The following PCDHA5 variants were observed in gnomAD, a reference collection of about 807,000 sequenced individuals.
The protein encoded by PCDHA5 is protocadherin alpha-5.
In PCDHA5, 43 loss-of-function variants were observed where a neutral mutation model predicts 61.6. That is an observed-to-expected ratio of 0.70 (90% confidence interval 0.55 to 0.90). The LOEUF (loss-of-function observed/expected upper bound fraction) is 0.90, where lower values mean the gene tolerates loss of function less well. Ranked by LOEUF, PCDHA5 falls within the 40% of genes least tolerant of loss-of-function variation. The pLI, the probability that PCDHA5 is intolerant of heterozygous loss-of-function variation, is 0.00. For missense variants in PCDHA5, 1,298 were observed against 1,222.7 expected, an observed-to-expected ratio of 1.06 and a Z score of -0.92; for synonymous variants, 627 against 543.9, an observed-to-expected ratio of 1.15 and a Z score of -2.13.
intron 1 of PCDHA5, chr5:140,877,335 G>C (rs115718636): frequency 0.047 from 75,474 of 1,613,976 alleles, 2,017 homozygotes; most frequent in Middle Eastern, 0.086. Flanking sequence ...CGCACATCCC[G>C]TTCCACGTGG....
intron 1 of PCDHA5, chr5:140,882,349 T>TC (rs1396642305): frequency 5.0e-6 from 8 of 1,613,872 alleles, no homozygotes; most frequent in Non-Finnish European, 6.8e-6. Context: ...GGGAGACGGG[T>TC]AGTGGCCAGC....
chr5:141,006,224 T>A (rs1265190589), intron 3 of PCDHA5, among the ~76,000 whole-genome samples: 1 of 152,072 alleles, frequency 6.6e-6, no homozygotes, highest in African/African-American at 2.4e-5. Flanking sequence ...TTAAATTTTT[T>A]ATTTTTAGAT....
chr5:140,824,609 A>AGTT (rs1768189003), intron 1 of PCDHA5: 2 of 76,910 alleles, frequency 2.6e-5, no homozygotes, highest in African/African-American at 1.4e-4. Context: ...TGCTAATTAA[A>AGTT]GTTTTTTTTT....
intron 1 of PCDHA5, among the ~76,000 whole-genome samples, chr5:140,962,568 A>G (rs915587591): frequency 6.6e-6 from 1 of 152,222 alleles, no homozygotes; most frequent in Non-Finnish European, 1.5e-5. Context: ...CTAAAAGCCA[A>G]TTGTTAATGC....
chr5:140,870,179 G>A, intron 1 of PCDHA5: 1 of 1,614,104 alleles, frequency 6.2e-7, no homozygotes, highest in South Asian at 1.1e-5. Context: ...CTCCCAGTAC[G>A]AGAGGACGCT....
chr5:140,838,264 C>T (rs1278285410), intron 1 of PCDHA5, among the ~76,000 whole-genome samples: 3 of 144,252 alleles, frequency 2.1e-5, no homozygotes, highest in Admixed American at 7.1e-5. Flanking sequence ...AAGACGCCAA[C>T]AACCAAGCCA....
At chr5:140,984,052 A>G (rs2097083396) in intron 3 of PCDHA5, among the ~76,000 whole-genome samples, 2 of 152,204 alleles carry the variant, frequency 1.3e-5, no homozygotes, top group African/African-American at 4.8e-5. Context: ...TCATTGACAA[A>G]TCTGTACCCT....
rs782457236 is a variant in PCDHA5 at position 140,883,560 on chromosome 5, G to A, written c.2352+59433G>A. 2 of 1,614,184 alleles carry A rather than the reference G, an allele frequency of 1.2e-6. No homozygotes were observed. Among genetic ancestry groups the A allele is most frequent in the Admixed American group, 1.7e-5 (1 of 60,028 alleles). ...CTGGTGGTGACCGCGCGGGACGGGGGCTCGCCTTCGCTGTGGGCCACGGCC... is the reference window on the plus strand; with the variant it reads ...CTGGTGGTGACCGCGCGGGACGGGGACTCGCCTTCGCTGTGGGCCACGGCC... On this transcript the variant is annotated intron_variant, in intron 1 of 3. Coordinates refer to ENST00000529859, the MANE Select transcript of PCDHA5 (RefSeq NM_018908.3).
intron 1 of PCDHA5, among the ~76,000 whole-genome samples, chr5:140,899,276 A>G (rs1402457704): frequency 2.8e-4 from 42 of 152,318 alleles, no homozygotes; most frequent in African/African-American, 9.4e-4. Flanking sequence ...GGCAGTTTTC[A>G]AAGGGAATAC....
chr5:140,951,141 T>G (rs2094552248), intron 1 of PCDHA5, among the ~76,000 whole-genome samples: 1 of 100,612 alleles, frequency 9.9e-6, no homozygotes, highest in Non-Finnish European at 2.0e-5. Context: ...TTCCTTTATC[T>G]TATTGAATAT....
chr5:140,875,410 ATACC>A (rs1259407256), intron 1 of PCDHA5: 2 of 1,502,000 alleles, frequency 1.3e-6, no homozygotes, highest in Non-Finnish European at 1.8e-6. Context: ...TGCTCATAAA[ATACC>A]TCAGGCAAGC....
At chr5:140,861,033 G>A (rs1443263351) in intron 1 of PCDHA5, 1 of 152,266 alleles carries the variant, frequency 6.6e-6, no homozygotes, top group Non-Finnish European at 1.5e-5. Flanking sequence ...CCGGCCGAAA[G>A]GTATTTTTTT....
chr5:140,892,573 A>G (rs1299586046), intron 1 of PCDHA5, among the ~76,000 whole-genome samples: 1 of 152,210 alleles, frequency 6.6e-6, no homozygotes, highest in Non-Finnish European at 1.5e-5. Context: ...TGTCAAAAGT[A>G]TATCTCAGTA....
chr5:140,924,901 A>AAAATAAAAT (rs1554202314), intron 1 of PCDHA5, among the ~76,000 whole-genome samples: 2 of 80,456 alleles, frequency 2.5e-5, no homozygotes, highest in African/African-American at 8.6e-5. Context: ...TCTCAAAAAA[A>AAAATAAAAT]AAAATAAAAT....
chr5:140,843,884 A>G, intron 1 of PCDHA5: 1 of 710,520 alleles, frequency 1.4e-6, no homozygotes, highest in South Asian at 2.0e-5. Flanking sequence ...GGCATAATAC[A>G]GTATTAATCA....
chr5:140,993,291 C>A (rs961103629), intron 3 of PCDHA5, among the ~76,000 whole-genome samples: 6 of 152,068 alleles, frequency 3.9e-5, no homozygotes, highest in African/African-American at 1.4e-4. Flanking sequence ...CCCAGGGTCA[C>A]AACCTTGCCT....
chr5:140,882,375 C>T (rs879994353), intron 1 of PCDHA5: 1 of 1,614,212 alleles, frequency 6.2e-7, no homozygotes, highest in Non-Finnish European at 8.5e-7. Context: ...TACTCCGTCC[C>T]CGAGGAAGCA....
At chr5:140,915,831 G>T (rs1326644343) in intron 1 of PCDHA5, among the ~76,000 whole-genome samples, 1 of 152,168 alleles carries the variant, frequency 6.6e-6, no homozygotes, top group Non-Finnish European at 1.5e-5. Flanking sequence ...AGGGCTCTAA[G>T]ATCAGCAGGG....
chr5:140,977,325 G>A (rs1277032974), intron 1 of PCDHA5, among the ~76,000 whole-genome samples: 1 of 152,210 alleles, frequency 6.6e-6, no homozygotes, highest in African/African-American at 2.4e-5. Context: ...TCCTGATGGC[G>A]AGGGGAGAGA....
Sources: gnomAD v4.1 joint callset for allele counts (sites outside exome capture counted in the v4.1 genomes callset) on GRCh38, gnomAD v4.1.1 for gene constraint, MANE v1.5 for transcripts, NCBI Gene and HGNC (gene_info 2026-07-23, HGNC 2026-07-21) for gene names.